Variants in ILDR2 observed in about 807,000 individuals in gnomAD.
The protein encoded by ILDR2 is immunoglobulin-like domain-containing receptor 2.
ILDR2 carries 25 observed loss-of-function variants against 66.8 expected under a neutral mutation model. The observed-to-expected ratio is 0.37, with a 90% CI of 0.27 to 0.52. ILDR2 has a LOEUF of 0.52. Among genes scored for constraint, ILDR2 ranks in the 20% least tolerant of loss-of-function variants. The probability of loss-of-function intolerance (pLI) is 0.88; values close to 1 mark genes in which losing one functional copy is unlikely to be tolerated. For synonymous variants in ILDR2, 367 were observed against 357.2 expected, an observed-to-expected ratio of 1.03 and a Z score of -0.31; for missense variants, 827 against 876.8, an observed-to-expected ratio of 0.94 and a Z score of 0.72.
chr1:166,939,786 A>T (rs1661206307), intron 3 of ILDR2, among the ~76,000 whole-genome samples: 3 of 152,216 alleles, frequency 2.0e-5, no homozygotes, highest in Non-Finnish European at 4.4e-5. Flanking sequence ...CACCTAAACT[A>T]AGCGGAAGCA....
rs186970909 is a variant in ILDR2 at position 166,910,325 on chromosome 1, T to C, written c.*9030A>G. 1.2e-4 allele frequency: 19 copies of C among 152,244 alleles called. No individual in the cohort carries two copies. In the East Asian group the frequency reaches 3.5e-3, roughly 28 times the overall value. The allele number at this position is 152,244 out of a possible 1,614,324, so 9.4% of individuals were successfully genotyped here. A position where few individuals can be genotyped will look rare whatever the true frequency, so the allele number is the denominator to read the frequency against. On this transcript the variant is annotated 3_prime_UTR_variant, in exon 10 of 10. Transcript: ENST00000271417. ...TCCACAGAAGCCTGCCTCAAAAACA[T>C]AATATGGCAAGTTCTAAACTTGCAA...
At chr1:166,949,148 G>C (rs900730294) in intron 3 of ILDR2, among the ~76,000 whole-genome samples, 6 of 152,188 alleles carry the variant, frequency 3.9e-5, no homozygotes, top group Admixed American at 1.3e-4. Flanking sequence ...TTGGGGAATG[G>C]GAGAGCTGCC....
downstream of ILDR2, among the ~76,000 whole-genome samples, chr1:166,904,983 A>G (rs1490599026): frequency 6.6e-6 from 1 of 152,240 alleles, no homozygotes; most frequent in Non-Finnish European, 1.5e-5. Flanking sequence ...CTAGGTAACA[A>G]GATAAAGGTC....
Position 166,914,527 on chromosome 1 carries a change from A to C in ILDR2, c.*4828T>G, listed in dbSNP as rs1361213184. Reference sequence around the variant, plus strand: ...TGCCCTGCCTCTATCACAGCAGTTGATGTTGGGATCAAATGAAAGTGTTCT... The same window carrying C: ...TGCCCTGCCTCTATCACAGCAGTTGCTGTTGGGATCAAATGAAAGTGTTCT... On this transcript the variant is annotated 3_prime_UTR_variant, in exon 10 of 10. Transcript: ENST00000271417. The C allele has an allele frequency of 6.6e-6, 1 of 152,252 alleles. No individual in the cohort carries two copies. The highest frequency in any genetic ancestry group is 6.5e-5 in the Admixed American group (1 of 15,288). 9.4% of individuals were successfully genotyped at this position (152,252 alleles called of 1,614,324 possible).
At chr1:166,922,206 T>C (rs577385489) in intron 8 of ILDR2, among the ~76,000 whole-genome samples, 17 of 152,012 alleles carry the variant, frequency 1.1e-4, no homozygotes, top group African/African-American at 4.1e-4. Flanking sequence ...TCGCTTGAGC[T>C]CAGGAGTTCA....
At chr1:166,939,610 T>A (rs551315188) in intron 3 of ILDR2, 40 bp from the exon 4 acceptor site, 1 of 1,584,918 alleles carries the variant, frequency 6.3e-7, no homozygotes, top group South Asian at 1.1e-5. Context: ...AAAGTGGTTA[T>A]TCCAAGGGAA....
At chr1:166,950,297 C>T (rs1431302498) in intron 3 of ILDR2, among the ~76,000 whole-genome samples, 2 of 152,102 alleles carry the variant, frequency 1.3e-5, no homozygotes, top group Non-Finnish European at 2.9e-5. Context: ...TTTTAGCAGG[C>T]AACAAAGACC....
Position 166,921,413 on chromosome 1 carries a change from G to C in ILDR2, c.1212-34C>G. 2.0e-6 allele frequency: 3 copies of C among 1,505,594 alleles called. No individual in the cohort carries two copies. The highest frequency in any genetic ancestry group is 1.8e-6 in the Non-Finnish European group (2 of 1,122,520). 93.3% of individuals were successfully genotyped at this position (1,505,594 alleles called of 1,614,324 possible). ...AGAGAAGGAGGGGGTCAGACGGCCG[G>C]TCCCTCCCTGGAGCTCCAGGTAGGG... is the stretch of plus-strand genomic sequence containing the variant. On this transcript the variant is annotated intron_variant, in intron 8 of 9. Transcript: ENST00000271417. The surrounding 1 kb of genome is among the most constrained non-coding windows in gnomAD (Gnocchi z 5.3).
rs1205560744 is a variant in ILDR2 at position 166,910,517 on chromosome 1, T to C, written c.*8838A>G. 1 of 152,212 alleles carries C rather than the reference T, an allele frequency of 6.6e-6. No individual in the cohort carries two copies. Among genetic ancestry groups the C allele is most frequent in the Non-Finnish European group, 1.5e-5 (1 of 68,034 alleles). The allele number at this position is 152,212 out of a possible 1,614,324, so 9.4% of individuals were successfully genotyped here. A position where few individuals can be genotyped will look rare whatever the true frequency, so the allele number is the denominator to read the frequency against. ...TAATGTGAGGCACACCTCCATCCAA[T>C]ACTGGAAGGTTAGCAATAGAGTCAC... On this transcript the variant is annotated 3_prime_UTR_variant, in exon 10 of 10. Transcript: ENST00000271417.
chr1:166,946,718 C>T (rs1433944603), intron 3 of ILDR2, among the ~76,000 whole-genome samples: 3 of 152,188 alleles, frequency 2.0e-5, no homozygotes, highest in Admixed American at 6.5e-5. Context: ...GTACTCACCC[C>T]AATTCCAGTT....
intron 6 of ILDR2, among the ~76,000 whole-genome samples, chr1:166,930,059 T>C (rs1660542988): frequency 6.6e-6 from 1 of 152,184 alleles, no homozygotes; most frequent in Non-Finnish European, 1.5e-5. Flanking sequence ...CATAAAGTTG[T>C]TGCTATATGG....
intron 6 of ILDR2, among the ~76,000 whole-genome samples, chr1:166,934,543 C>G (rs954520326): frequency 1.3e-5 from 2 of 152,214 alleles, no homozygotes; most frequent in Non-Finnish European, 2.9e-5. Flanking sequence ...GGTGCCACCT[C>G]TGCCCTCAGG....
At chr1:166,941,456 A>G (rs1661308561) in intron 3 of ILDR2, among the ~76,000 whole-genome samples, 1 of 152,192 alleles carries the variant, frequency 6.6e-6, no homozygotes, top group African/African-American at 2.4e-5. Context: ...GAAAGTGATT[A>G]AGAGACAGCA....
At chr1:166,902,542 A>G (rs1005289676) in intron 2 of ILDR2, among the ~76,000 whole-genome samples, 2 of 152,278 alleles carry the variant, frequency 1.3e-5, no homozygotes, top group Admixed American at 6.5e-5. Flanking sequence ...TTATATAATT[A>G]GAGAAATGAC....
In ILDR2 at chr1:166,921,282, A is replaced by T; in HGVS notation, c.1309T>A (p.Tyr437Asn). The stretch of plus-strand genomic sequence containing the variant: ...TCTGCCCGGCGGGGCCGCTGGCCGT[A>T]GGAGTCAGCGAAGGCCGCCAGCTCG... The part of the protein sequence containing the change: ...MDELAAFADS[Y>N]GQRPRRADGN... The change falls in exon 9 of 10, where the codon TAC (tyrosine) becomes AAC (asparagine). Residue 437 changes from tyrosine to asparagine, a missense_variant. Tyr to Asn is a moderately radical substitution (Grantham distance 143). Transcript: ENST00000271417. The surrounding 1 kb of genome is among the most constrained non-coding windows in gnomAD (Gnocchi z 5.3). The T allele has an allele frequency of 6.2e-7, 1 of 1,600,550 alleles. No individual in the cohort carries two copies. Among genetic ancestry groups the T allele is most frequent in the Non-Finnish European group, 8.5e-7 (1 of 1,174,194 alleles).
chr1:166,908,599 G>C lies in ILDR2; in HGVS notation c.*10756C>G, dbSNP rs1437025735. 6.6e-6 allele frequency: 1 copy of C among 152,164 alleles called. No homozygotes were observed. The highest frequency in any genetic ancestry group is 1.5e-5 in the Non-Finnish European group (1 of 68,040). 9.4% of individuals were successfully genotyped at this position (152,164 alleles called of 1,614,324 possible). A position where few individuals can be genotyped will look rare whatever the true frequency, so the allele number is the denominator to read the frequency against. ...TTAAGTATTTTTCTTGAAACTGTCT[G>C]GAACCTCTAACAAAAAAAGTAGAAG... On this transcript the variant is annotated 3_prime_UTR_variant, in exon 10 of 10. Transcript: ENST00000271417.
At chr1:166,943,894 C>G in intron 3 of ILDR2, 1 of 945,786 alleles carries the variant, frequency 1.1e-6, no homozygotes. Flanking sequence ...CACATTTACT[C>G]TTTTCAAACC....
chr1:166,903,057 A>T (rs1002479469), intron 2 of ILDR2, among the ~76,000 whole-genome samples: 5 of 152,108 alleles, frequency 3.3e-5, no homozygotes, highest in Non-Finnish European at 7.4e-5. Context: ...TCGCCCTCCA[A>T]CTGTTCTCAC....
At chr1:166,952,271 G>A (rs541770604) in intron 3 of ILDR2, among the ~76,000 whole-genome samples, 1 of 152,218 alleles carries the variant, frequency 6.6e-6, no homozygotes, top group Admixed American at 6.5e-5. Flanking sequence ...TTCTAATCTT[G>A]GATGGCAGAT....
Sources: allele counts gnomAD v4.1 joint callset (sites outside exome capture counted in the v4.1 genomes callset), GRCh38; gene constraint gnomAD v4.1.1; non-coding constraint Gnocchi (gnomAD v3.1); transcripts MANE v1.5; gene names NCBI Gene and HGNC (gene_info 2026-07-23, HGNC 2026-07-21).